Variants in NAV1 observed in about 807,000 individuals in gnomAD.
NAV1 encodes neuron navigator 1.
Under a neutral mutation model 175.2 loss-of-function variants are expected in NAV1, and 18 were observed. The ratio of observed to expected loss-of-function variants is 0.10; its 90% CI spans 0.07 to 0.15. The LOEUF (loss-of-function observed/expected upper bound fraction) is 0.15. NAV1 is among the 10% of genes least tolerant of loss of function. The probability of loss-of-function intolerance (pLI) is 1.00; values close to 1 mark genes in which losing one functional copy is unlikely to be tolerated. For synonymous variants in NAV1, 897 were observed against 978.7 expected, an observed-to-expected ratio of 0.92 and a Z score of 1.56; for missense variants, 1,731 against 2,436.6, an observed-to-expected ratio of 0.71 and a Z score of 6.10.
In NAV1 at chr1:201,794,419, G is replaced by C. The variant is rs756445534; in HGVS notation, c.3406-47G>C. The C allele has an allele frequency of 3.8e-6, 6 of 1,561,442 alleles. No homozygotes were observed. In the South Asian group the frequency reaches 6.9e-5, roughly 18 times the overall value. ...GCCTCCCAAAGTGCTGGGATTATAGGTGTGAGCCACCGTGCCCAGCCAACG... is the reference window on the plus strand; with the variant it reads ...GCCTCCCAAAGTGCTGGGATTATAGCTGTGAGCCACCGTGCCCAGCCAACG... On this transcript the variant is annotated intron_variant, in intron 14 of 29. Coordinates refer to ENST00000367296, the Ensembl canonical transcript of NAV1.
intron 1 of NAV1, among the ~76,000 whole-genome samples, chr1:201,683,502 T>C (rs1181544136): frequency 1.3e-5 from 2 of 152,112 alleles, no homozygotes; most frequent in East Asian, 3.9e-4. Context: ...CAGTTCACAA[T>C]AGGGTTCACC....
Position 201,790,667 on chromosome 1 carries a change from T to C in NAV1, c.3244-22T>C, listed in dbSNP as rs1359706585. 2.5e-6 allele frequency: 4 copies of C among 1,614,098 alleles called. No individual in the cohort carries two copies. The South Asian group carries it at 4.4e-5, about 18-fold the overall frequency. ...TATACAGCTTCTGCAGCCAGTAGTT[T>C]GTATTTCTCTTCCTTTTACAGCAAA... is the stretch of plus-strand genomic sequence containing the variant. On this transcript the variant is annotated intron_variant, in intron 12 of 29. Coordinates refer to ENST00000367296, the Ensembl canonical transcript of NAV1.
chr1:201,668,491 C>T (rs2102372156), intron 1 of NAV1, among the ~76,000 whole-genome samples: 1 of 152,314 alleles, frequency 6.6e-6, no homozygotes, highest in South Asian at 2.1e-4. Context: ...TGGCTTTCCT[C>T]CTAGGGTCTC....
chr1:201,560,080 GTC>G (rs2102463108), intron 1 of NAV1, among the ~76,000 whole-genome samples: 1 of 152,280 alleles, frequency 6.6e-6, no homozygotes, highest in East Asian at 1.9e-4. Flanking sequence ...AACCGTATCT[GTC>G]TCTCTGTGTT....
At chr1:201,618,953 T>C (rs574214251), upstream of NAV1, among the ~76,000 whole-genome samples, 14 of 152,166 alleles carry the variant, frequency 9.2e-5, no homozygotes, top group African/African-American at 3.4e-4. Context: ...ACTCACTGTT[T>C]GGGGAGCCCT....
exon 30 of NAV1, chr1:201,821,026 A>G (rs921053499): frequency 6.6e-6 from 1 of 152,190 alleles, no homozygotes; most frequent in Admixed American, 6.5e-5. Flanking sequence ...TAGAGGGAGA[A>G]GAGGAACCCA....
At chr1:201,802,164 G>C (rs2102784556) in intron 15 of NAV1, among the ~76,000 whole-genome samples, 1 of 144,310 alleles carries the variant, frequency 6.9e-6, no homozygotes, top group Non-Finnish European at 1.5e-5. Flanking sequence ...AATTAGCCGG[G>C]CGTGGTGGCA....
upstream of NAV1, among the ~76,000 whole-genome samples, chr1:201,622,205 C>T (rs1203264782): frequency 6.6e-6 from 1 of 152,040 alleles, no homozygotes; most frequent in Non-Finnish European, 1.5e-5. Flanking sequence ...GTGACAAATG[C>T]CCAGTGACTA....
chr1:201,622,956 C>A (rs1449975741), exon 1 of NAV1: 1 of 986,348 alleles, frequency 1.0e-6, no homozygotes, highest in Non-Finnish European at 1.2e-6. Context: ...TGCCTCGTGC[C>A]TCTTCCCAGA....
intron 1 of NAV1, among the ~76,000 whole-genome samples, chr1:201,665,777 C>T (rs1160872447): frequency 2.0e-5 from 3 of 152,100 alleles, no homozygotes; most frequent in South Asian, 4.2e-4. Flanking sequence ...CCACTCCCAG[C>T]CCGACAGTAA....
intron 1 of NAV1, among the ~76,000 whole-genome samples, chr1:201,655,619 T>C (rs997742770): frequency 5.3e-5 from 8 of 152,212 alleles, no homozygotes; most frequent in African/African-American, 1.7e-4. Flanking sequence ...AGCTCCCCCT[T>C]GTTCAATGAA....
intron 1 of NAV1, among the ~76,000 whole-genome samples, chr1:201,663,095 G>T (rs1669677424): frequency 6.6e-6 from 1 of 152,194 alleles, no homozygotes; most frequent in Non-Finnish European, 1.5e-5. Flanking sequence ...GGATGCCCAT[G>T]GTTTCATGCC....
At chr1:201,745,230 G>A (rs1673694457) in intron 3 of NAV1, among the ~76,000 whole-genome samples, 1 of 152,102 alleles carries the variant, frequency 6.6e-6, no homozygotes, top group Admixed American at 6.6e-5. Flanking sequence ...TATTGAAAAA[G>A]AAAGAATATC....
intron 15 of NAV1, among the ~76,000 whole-genome samples, chr1:201,801,588 T>C (rs562011999): frequency 6.6e-6 from 1 of 152,306 alleles, no homozygotes; most frequent in African/African-American, 2.4e-5. Flanking sequence ...CCCTGGGTGC[T>C]GGGGTTACAG....
chr1:201,661,482 G>A (rs1669613186), intron 1 of NAV1, among the ~76,000 whole-genome samples: 1 of 152,172 alleles, frequency 6.6e-6, no homozygotes. Context: ...CTGGGATGAG[G>A]ATAACTAGAA....
chr1:201,771,500 G>GA (rs55864064), intron 3 of NAV1, among the ~76,000 whole-genome samples: 1,239 of 86,768 alleles, frequency 0.014, 11 homozygotes, highest in African/African-American at 0.028. Flanking sequence ...ACTTCGTCTA[G>GA]AAAAAAAAAA....
At chr1:201,623,064 G>A in exon 1 of NAV1, 3 of 985,938 alleles carry the variant, frequency 3.0e-6, no homozygotes, top group Non-Finnish European at 3.6e-6. Context: ...GACTGGGAAA[G>A]GCTGCAGGTC....
chr1:201,584,386 A>G (rs1666964241), intron 1 of NAV1, among the ~76,000 whole-genome samples: 1 of 152,212 alleles, frequency 6.6e-6, no homozygotes, highest in Non-Finnish European at 1.5e-5. Context: ...GATTCTAACC[A>G]CTTAGATTCT....
In NAV1 at chr1:201,718,561, C is replaced by T; in HGVS notation, c.1032C>T (p.Ala344=). ...GCTGCCGCTCGGAGGGGACGCCCGC[C>T]TGGTACATGCACGGCGAACGGGCCC... is the stretch of plus-strand genomic sequence containing the variant. The change falls in exon 3 of 30, where the codon GCC becomes GCT. Residue 344 remains alanine (A), a synonymous_variant. Transcript: ENST00000367296. This position sits in a 1 kb window ranked among gnomAD's most constrained non-coding sequence, Gnocchi z 4.8. 1 of 1,613,958 alleles carries T rather than the reference C, an allele frequency of 6.2e-7. No individual in the cohort carries two copies. The highest frequency in any genetic ancestry group is 1.1e-5 in the South Asian group (1 of 91,080).
Sources: gnomAD v4.1 joint callset for allele counts (sites outside exome capture counted in the v4.1 genomes callset) on GRCh38, gnomAD v4.1.1 for gene constraint, Gnocchi (gnomAD v3.1) non-coding constraint, MANE v1.5 for transcripts, NCBI Gene and HGNC (gene_info 2026-07-23, HGNC 2026-07-21) for gene names.